Variants in HS3ST5 observed in about 807,000 individuals in gnomAD.
The protein encoded by HS3ST5 is heparan sulfate-glucosamine 3-sulfotransferase 5.
Under a neutral mutation model 25.4 loss-of-function variants are expected in HS3ST5, and 10 were observed. The observed-to-expected ratio is 0.39, with a 90% CI of 0.24 to 0.67. HS3ST5 has a LOEUF of 0.67. HS3ST5 is among the 30% of genes least tolerant of loss of function. HS3ST5 has a pLI of 0.44. For synonymous variants in HS3ST5, 170 were observed against 162.4 expected, an observed-to-expected ratio of 1.05 and a Z score of -0.36; for missense variants, 324 against 420.7, an observed-to-expected ratio of 0.77 and a Z score of 2.01.
At chr6:114,180,487 C>G (rs1489108984) in intron 2 of HS3ST5, among the ~76,000 whole-genome samples, 1 of 152,126 alleles carries the variant, frequency 6.6e-6, no homozygotes, top group African/African-American at 2.4e-5. Context: ...AGTTCTTGGG[C>G]TTACACCAGT....
chr6:114,262,892 C>A (rs1773240476), intron 1 of HS3ST5, among the ~76,000 whole-genome samples: 1 of 152,066 alleles, frequency 6.6e-6, no homozygotes. Context: ...GAATACAAAT[C>A]AATCTTCTTT....
At position 114,057,872 on chromosome 6, in the gene HS3ST5, C is replaced by T; in HGVS notation, c.426G>A (p.Lys142=). 6.2e-7 allele frequency: 1 copy of T among 1,614,102 alleles called. No individual in the cohort carries two copies. Among genetic ancestry groups the T allele is most frequent in the Non-Finnish European group, 8.5e-7 (1 of 1,180,008 alleles). ...TTTGCTGAGGGTAGGAAAAAGGCAT[C>T]TTTTTCCTATACCACTCAATGCCCT... The part of the protein sequence containing the change: ...YGKGIEWYRK[K]MPFSYPQQIT... The change falls in exon 5 of 5, where the codon AAG becomes AAA. Residue 142 remains lysine, a synonymous_variant. Transcript: ENST00000312719.
intron 2 of HS3ST5, among the ~76,000 whole-genome samples, chr6:114,215,292 C>A (rs942712792): frequency 6.6e-6 from 1 of 151,982 alleles, no homozygotes; most frequent in African/African-American, 2.4e-5. Flanking sequence ...GGTGACAGAG[C>A]GAGACTCTGT....
chr6:114,233,339 A>G (rs1009138111), intron 1 of HS3ST5, among the ~76,000 whole-genome samples: 3 of 152,192 alleles, frequency 2.0e-5, no homozygotes, highest in Non-Finnish European at 4.4e-5. Flanking sequence ...ATCAATACTA[A>G]TAATTCAACT....
At chr6:114,104,790 C>T (rs1434123785) in intron 3 of HS3ST5, among the ~76,000 whole-genome samples, 2 of 152,176 alleles carry the variant, frequency 1.3e-5, no homozygotes, top group Non-Finnish European at 2.9e-5. Flanking sequence ...TCACGAGACT[C>T]ATTTTTTGTA....
intron 3 of HS3ST5, among the ~76,000 whole-genome samples, chr6:114,067,376 G>C (rs914432457): frequency 7.9e-5 from 12 of 152,004 alleles, no homozygotes; most frequent in Non-Finnish European, 1.3e-4. Context: ...TTAGCAGACA[G>C]GAAAAAGAAG....
intron 1 of HS3ST5, among the ~76,000 whole-genome samples, chr6:114,330,170 GA>G: frequency 6.6e-6 from 1 of 152,004 alleles, no homozygotes; most frequent in South Asian, 2.1e-4. Context: ...CATCTCAAAA[GA>G]AGAAAGAACA....
chr6:114,140,110 T>C (rs966280440), intron 3 of HS3ST5, among the ~76,000 whole-genome samples: 17 of 152,250 alleles, frequency 1.1e-4, no homozygotes, highest in African/African-American at 3.9e-4. Context: ...AAAGAGTGAT[T>C]TTCTTCTACT....
At chr6:114,129,461 T>C (rs1400712924) in intron 3 of HS3ST5, among the ~76,000 whole-genome samples, 1 of 152,090 alleles carries the variant, frequency 6.6e-6, no homozygotes, top group Non-Finnish European at 1.5e-5. Flanking sequence ...TTCATCGTGT[T>C]AGCCAGGATG....
At position 114,098,274 on chromosome 6, in the gene HS3ST5, A is replaced by G. The variant is rs990431934; in HGVS notation, c.-32-35397T>C. ...AAAACAAAAAAAGCAAGTAAAGAAAAACCTTCAACCTGGTAACTGAAGTTA... is the reference window on the plus strand; with the variant it reads ...AAAACAAAAAAAGCAAGTAAAGAAAGACCTTCAACCTGGTAACTGAAGTTA... On this transcript the variant is annotated intron_variant, in intron 3 of 4. Coordinates refer to ENST00000312719, the MANE Select transcript of HS3ST5 (RefSeq NM_153612.4). Among the ~76,000 whole-genome samples, 15 of 151,884 alleles carry G rather than the reference A, an allele frequency of 9.9e-5. No homozygotes were observed. The East Asian group carries it at 2.5e-3, about 25-fold the overall frequency.
At chr6:114,094,712 C>T (rs367906581) in intron 3 of HS3ST5, among the ~76,000 whole-genome samples, 1 of 152,134 alleles carries the variant, frequency 6.6e-6, no homozygotes, top group East Asian at 1.9e-4. Flanking sequence ...GACAGGGTGG[C>T]TGTCATGATC....
At chr6:114,317,805 G>C (rs1775802752) in intron 1 of HS3ST5, among the ~76,000 whole-genome samples, 1 of 147,742 alleles carries the variant, frequency 6.8e-6, no homozygotes, top group East Asian at 2.0e-4. Flanking sequence ...CGGGGGGCGG[G>C]GGGGTAGGCT....
At chr6:114,215,035 G>A (rs891856850) in intron 2 of HS3ST5, among the ~76,000 whole-genome samples, 2 of 152,178 alleles carry the variant, frequency 1.3e-5, no homozygotes, top group African/African-American at 2.4e-5. Flanking sequence ...GCCAGGCGCG[G>A]TGGCTCATGC....
At chr6:114,162,305 G>T (rs1417017655) in intron 3 of HS3ST5, among the ~76,000 whole-genome samples, 1 of 152,034 alleles carries the variant, frequency 6.6e-6, no homozygotes, top group Non-Finnish European at 1.5e-5. Flanking sequence ...TTCCAAATAG[G>T]ATTTAAAATT....
chr6:114,118,137 T>G (rs1776619617), intron 3 of HS3ST5, among the ~76,000 whole-genome samples: 2 of 152,200 alleles, frequency 1.3e-5, no homozygotes, highest in Non-Finnish European at 2.9e-5. Context: ...TCTCCAGTTG[T>G]AAATTATCCA....
rs188591350 is a variant in HS3ST5, at chr6:114,198,584, C to T, written c.-145+30001G>A. On this transcript the variant is annotated intron_variant, in intron 2 of 4. Transcript: ENST00000312719. ...TAGCACCTTCTGTTCTACACATCGG[C>T]AGAGCTGACACAGAAAGTGATTCAC... Among the ~76,000 whole-genome samples the T allele has an allele frequency of 9.9e-5, 15 of 152,236 alleles. No homozygotes were observed. In the East Asian group the frequency reaches 2.9e-3, roughly 29 times the overall value.
At chr6:114,147,888 A>C (rs1048612780) in intron 3 of HS3ST5, among the ~76,000 whole-genome samples, 2 of 152,110 alleles carry the variant, frequency 1.3e-5, no homozygotes, top group African/African-American at 4.8e-5. Context: ...GCAGAGAAAT[A>C]AACTTCTCTT....
At chr6:114,095,543 G>A (rs1288344892) in intron 3 of HS3ST5, among the ~76,000 whole-genome samples, 2 of 152,286 alleles carry the variant, frequency 1.3e-5, no homozygotes, top group East Asian at 1.9e-4. Context: ...TTTAACTGAA[G>A]CAGGGTGGTG....
chr6:114,130,517 T>C (rs1777274455), intron 3 of HS3ST5, among the ~76,000 whole-genome samples: 1 of 152,178 alleles, frequency 6.6e-6, no homozygotes, highest in Admixed American at 6.5e-5. Context: ...GCAGGAGTAT[T>C]GCTTGAGGCC....
Sources: allele counts gnomAD v4.1 joint callset (sites outside exome capture counted in the v4.1 genomes callset), GRCh38; gene constraint gnomAD v4.1.1; transcripts MANE v1.5; gene names NCBI Gene and HGNC (gene_info 2026-07-23, HGNC 2026-07-21).